SLC38A3: variants seen among roughly 807,000 people sequenced by gnomAD.
The protein encoded by SLC38A3 is sodium-coupled neutral amino acid transporter 3.
Under a neutral mutation model 59.5 loss-of-function variants are expected in SLC38A3, and 17 were observed. The observed-to-expected ratio is 0.29, with a 90% confidence interval of 0.20 to 0.43. SLC38A3 has a LOEUF of 0.43. Among genes scored for constraint, SLC38A3 ranks in the 20% least tolerant of loss-of-function variants. The pLI, the probability that SLC38A3 is intolerant of heterozygous loss-of-function variation, is 1.00. For missense variants in SLC38A3, 454 were observed against 653.9 expected (o/e 0.69, Z 3.33); for synonymous variants, 238 against 260.3 (o/e 0.91, Z 0.82).
At position 50,218,861 on chromosome 3, in the gene SLC38A3, C is replaced by G; in HGVS notation, c.1219C>G (p.His407Asp). ...FPNQEFSWLRHVLIAVGLLTC... is the reference protein window; with the variant it reads ...FPNQEFSWLRDVLIAVGLLTC... ...AAACCAGGAGTTCAGCTGGCTGCGG[C>G]ATGTGCTTATTGCCGTTGGCCTGCT... is the stretch of plus-strand genomic sequence containing the variant. The change falls in exon 14 of 16, where the codon CAT becomes GAT. Residue 407 changes from histidine (H) to aspartate (D), a missense_variant. His to Asp is a moderately conservative substitution (Grantham distance 81, BLOSUM62 -1). Coordinates refer to ENST00000614032, the MANE Select transcript of SLC38A3 (RefSeq NM_006841.6). This position sits in a 1 kb window ranked among gnomAD's most constrained non-coding sequence, Gnocchi z 5.8. The G allele has an allele frequency of 1.2e-6, 2 of 1,613,558 alleles. No individual in the cohort carries two copies. Among genetic ancestry groups the G allele is most frequent in the African/African-American group, 2.7e-5 (2 of 75,044 alleles).
intron 1 of SLC38A3, among the ~76,000 whole-genome samples, chr3:50,206,886 C>T (rs552272249): frequency 3.1e-4 from 47 of 152,362 alleles, no homozygotes; most frequent in African/African-American, 1.1e-3. Context: ...GTTGCCAGAT[C>T]ATGACAACTG....
chr3:50,220,583 G>A lies in SLC38A3; in HGVS notation c.*406G>A, dbSNP rs1699883306. 4.5e-6 allele frequency: 1 copy of A among 224,138 alleles called. No individual in the cohort carries two copies. The highest frequency in any genetic ancestry group is 8.9e-6 in the Non-Finnish European group (1 of 111,846). 13.9% of individuals were successfully genotyped at this position (224,138 alleles called of 1,614,324 possible). ...ACCCTGCTGCTAGGCCACGGTCTGCGCCCTGGGGCCTCATCTCCCCCAGCC... is the reference window on the plus strand; with the variant it reads ...ACCCTGCTGCTAGGCCACGGTCTGCACCCTGGGGCCTCATCTCCCCCAGCC... On this transcript the variant is annotated 3_prime_UTR_variant, in exon 16 of 16. Transcript: ENST00000614032.
chr3:50,206,790 C>T (rs1699653347), intron 1 of SLC38A3, among the ~76,000 whole-genome samples: 1 of 152,200 alleles, frequency 6.6e-6, no homozygotes, highest in African/African-American at 2.4e-5. Context: ...CCCATGTCTT[C>T]GCTGGCTTCT....
rs759167216 is a variant in SLC38A3, at chr3:50,217,521, G to A, written c.690+48G>A. The A allele has an allele frequency of 1.5e-5, 24 of 1,598,938 alleles. No individual in the cohort carries two copies. Among genetic ancestry groups the A allele is most frequent in the Non-Finnish European group, 2.0e-5 (23 of 1,170,944 alleles). On this transcript the variant is annotated intron_variant, in intron 9 of 15. Transcript: ENST00000614032. This position sits in a 1 kb window ranked among gnomAD's most constrained non-coding sequence, Gnocchi z 4.9. ...TGAGAAAGCGGGCAGCGGGTCTCCT[G>A]GGGGAGTTCCCTGTCATCAGGAGGG...
Position 50,219,981 on chromosome 3 carries a change from C to G in SLC38A3, c.1407C>G (p.Ile469Met). The G allele has an allele frequency of 6.2e-7, 1 of 1,611,592 alleles. No individual in the cohort carries two copies. Among genetic ancestry groups the G allele is most frequent in the East Asian group, 2.2e-5 (1 of 44,850 alleles). Residue 469 changes from isoleucine (I) to methionine (M), a missense_variant, in exon 15 of 16, where the codon ATC becomes ATG. Physicochemically the swap from Ile to Met is conservative, Grantham distance 10. Transcript: ENST00000614032. ...AGCCTGCAAGATCCACCCCCAAAATCCTGGTGCGAGGGGCCTGGAGGCCGG... is the reference window on the plus strand; with the variant it reads ...AGCCTGCAAGATCCACCCCCAAAATGCTGGTGCGAGGGGCCTGGAGGCCGG... ...EKEPARSTPK[I>M]LALCFAMLGF...
rs766824971 is a variant in SLC38A3 at position 50,214,425 on chromosome 3, G to T, written c.125G>T (p.Cys42Phe). The T allele has an allele frequency of 3.2e-6, 5 of 1,582,552 alleles. No homozygotes were observed. Among genetic ancestry groups the T allele is most frequent in the Non-Finnish European group, 2.6e-6 (3 of 1,164,414 alleles). The change falls in exon 3 of 16, where the codon TGT becomes TTT. Residue 42 changes from cysteine (C) to phenylalanine (F), a missense_variant. Physicochemically the swap from Cys to Phe is radical, Grantham distance 205. This residue lies in a region of SLC38A3 where 390 missense variants were observed against 557.9 expected (regional missense o/e 0.70). Coordinates refer to ENST00000614032, the MANE Select transcript of SLC38A3 (RefSeq NM_006841.6). This position sits in a 1 kb window ranked among gnomAD's most constrained non-coding sequence, Gnocchi z 6.0. ...NQRVEDPARSCMEGKSFLQKS... is the reference protein window; with the variant it reads ...NQRVEDPARSFMEGKSFLQKS... ...AGGGTCGAGGACCCTGCACGGAGCT[G>T]TATGGAGGGCAAGAGCTTCCTACAG... is the stretch of plus-strand genomic sequence containing the variant.
chr3:50,209,869 G>A (rs765841213), intron 1 of SLC38A3, among the ~76,000 whole-genome samples: 10 of 152,076 alleles, frequency 6.6e-5, no homozygotes, highest in Non-Finnish European at 1.3e-4. Flanking sequence ...ATATGCCCCC[G>A]CCTGCATGTC....
At position 50,214,071 on chromosome 3, in the gene SLC38A3, T is replaced by C; in HGVS notation, c.-51-78T>C. 2.6e-6 allele frequency: 2 copies of C among 771,288 alleles called. No individual in the cohort carries two copies. Among genetic ancestry groups the C allele is most frequent in the Non-Finnish European group, 4.3e-6 (2 of 463,018 alleles). 47.8% of individuals were successfully genotyped at this position (771,288 alleles called of 1,614,324 possible). On this transcript the variant is annotated intron_variant, in intron 1 of 15. Transcript: ENST00000614032. This position sits in a 1 kb window ranked among gnomAD's most constrained non-coding sequence, Gnocchi z 6.0. ...GAGTGACCATCTGGGAGGTGTGCTATGGCTGCAGGCCTCAGGTAGGAGGCT... is the reference window on the plus strand; with the variant it reads ...GAGTGACCATCTGGGAGGTGTGCTACGGCTGCAGGCCTCAGGTAGGAGGCT...
In SLC38A3 at chr3:50,215,168, C is replaced by G; in HGVS notation, c.300-218C>G. ...AGGGCAGTCACAGGGACACTCTTGA[C>G]CCAGAGGGCCCCTTCTGGGGTGTGT... On this transcript the variant is annotated intron_variant, in intron 4 of 15. Transcript: ENST00000614032. The surrounding 1 kb of genome is among the most constrained non-coding windows in gnomAD (Gnocchi z 7.1). 1 of 590,594 alleles carries G rather than the reference C, an allele frequency of 1.7e-6. No homozygotes were observed. Among genetic ancestry groups the G allele is most frequent in the Non-Finnish European group, 3.0e-6 (1 of 331,090 alleles). 36.6% of individuals were successfully genotyped at this position (590,594 alleles called of 1,614,324 possible). A position where few individuals can be genotyped will look rare whatever the true frequency, so the allele number is the denominator to read the frequency against.
At position 50,218,006 on chromosome 3, in the gene SLC38A3, T is replaced by G. The variant is rs1699844494; in HGVS notation, c.935+10T>G. On this transcript the variant is annotated intron_variant, in intron 11 of 15. Coordinates refer to ENST00000614032, the MANE Select transcript of SLC38A3 (RefSeq NM_006841.6). The surrounding 1 kb of genome is among the most constrained non-coding windows in gnomAD (Gnocchi z 5.8). The stretch of plus-strand genomic sequence containing the variant: ...ATACTGAGCTCAAGGAGTAGGTGTC[T>G]GTGGCTGGGAGTGGGGGTGGGGATG... The G allele has an allele frequency of 1.2e-6, 2 of 1,613,630 alleles. No individual in the cohort carries two copies. The highest frequency in any genetic ancestry group is 1.3e-5 in the African/African-American group (1 of 75,040).
At chr3:50,212,615 C>G (rs932482930) in intron 1 of SLC38A3, among the ~76,000 whole-genome samples, 1 of 152,146 alleles carries the variant, frequency 6.6e-6, no homozygotes, top group African/African-American at 2.4e-5. Context: ...TCTCCAGGAT[C>G]CAGGTGCCAG....
At position 50,215,718 on chromosome 3, in the gene SLC38A3, C is replaced by G. The variant is rs587772600; in HGVS notation, c.467-22C>G. ...TGGTTGGGCTGACCTCAGCGCCTGC[C>G]TGCCCGCCCCTCTCCCCACAGCCAT... is the stretch of plus-strand genomic sequence containing the variant. On this transcript the variant is annotated intron_variant, in intron 6 of 15. Coordinates refer to ENST00000614032, the MANE Select transcript of SLC38A3 (RefSeq NM_006841.6). This position sits in a 1 kb window ranked among gnomAD's most constrained non-coding sequence, Gnocchi z 7.1. The G allele has an allele frequency of 6.2e-7, 1 of 1,603,524 alleles. No homozygotes were observed. The highest frequency in any genetic ancestry group is 1.3e-5 in the African/African-American group (1 of 74,780).
chr3:50,208,510 G>A (rs759710640), intron 1 of SLC38A3, among the ~76,000 whole-genome samples: 6 of 152,078 alleles, frequency 3.9e-5, no homozygotes, highest in South Asian at 2.1e-4. Context: ...TGATCTGCCC[G>A]CCTCGGCCTC....
chr3:50,218,051 G>A lies in SLC38A3; in HGVS notation c.935+55G>A. 1 of 1,538,660 alleles carries A rather than the reference G, an allele frequency of 6.5e-7. No individual in the cohort carries two copies. ...GGGATGCCCTGAGCTGGTTTGGGGA[G>A]AATGGATGTGGTCCTGAATGTGGAG... On this transcript the variant is annotated intron_variant, in intron 11 of 15. Transcript: ENST00000614032. The surrounding 1 kb of genome is among the most constrained non-coding windows in gnomAD (Gnocchi z 5.8).
chr3:50,214,910 A>G lies in SLC38A3; in HGVS notation c.299+142A>G, dbSNP rs1193520925. On this transcript the variant is annotated intron_variant, in intron 4 of 15. Coordinates refer to ENST00000614032, the MANE Select transcript of SLC38A3 (RefSeq NM_006841.6). This position sits in a 1 kb window ranked among gnomAD's most constrained non-coding sequence, Gnocchi z 6.0. ...TCTTACACTAACAAACCGCGGCTGAAAAAAACATCCACAGCCAAACAAATA... is the reference window on the plus strand; with the variant it reads ...TCTTACACTAACAAACCGCGGCTGAGAAAAACATCCACAGCCAAACAAATA... 8 of 664,868 alleles carry G rather than the reference A, an allele frequency of 1.2e-5. No individual in the cohort carries two copies. Among genetic ancestry groups the G allele is most frequent in the African/African-American group, 7.3e-5 (4 of 54,576 alleles). 41.2% of individuals were successfully genotyped at this position (664,868 alleles called of 1,614,324 possible).
Position 50,218,525 on chromosome 3 carries a change from C to T in SLC38A3, c.1037-68C>T. 1 of 1,592,692 alleles carries T rather than the reference C, an allele frequency of 6.3e-7. No individual in the cohort carries two copies. The highest frequency in any genetic ancestry group is 1.3e-5 in the African/African-American group (1 of 74,716). ...TGCCAATCCCCACAGTGTTGGGGTC[C>T]CCTAGGCAGCTCAGATCCCACCTCC... On this transcript the variant is annotated intron_variant, in intron 12 of 15. Coordinates refer to ENST00000614032, the MANE Select transcript of SLC38A3 (RefSeq NM_006841.6). This position sits in a 1 kb window ranked among gnomAD's most constrained non-coding sequence, Gnocchi z 5.8.
chr3:50,215,327 G>A lies in SLC38A3; in HGVS notation c.300-59G>A. 1 of 1,530,632 alleles carries A rather than the reference G, an allele frequency of 6.5e-7. No homozygotes were observed. Among genetic ancestry groups the A allele is most frequent in the Non-Finnish European group, 9.1e-7 (1 of 1,104,834 alleles). 94.8% of individuals were successfully genotyped at this position (1,530,632 alleles called of 1,614,324 possible). A position where few individuals can be genotyped will look rare whatever the true frequency, so the allele number is the denominator to read the frequency against. On this transcript the variant is annotated intron_variant, in intron 4 of 15. Coordinates refer to ENST00000614032, the MANE Select transcript of SLC38A3 (RefSeq NM_006841.6). This position sits in a 1 kb window ranked among gnomAD's most constrained non-coding sequence, Gnocchi z 7.1. ...GGCCTCCCAGAGCCCCTCACCCTCTGCCAGCCACGGTAGCCCCCCAGTGGC... is the reference window on the plus strand; with the variant it reads ...GGCCTCCCAGAGCCCCTCACCCTCTACCAGCCACGGTAGCCCCCCAGTGGC...
chr3:50,218,572 C>T lies in SLC38A3; in HGVS notation c.1037-21C>T, dbSNP rs1270784839. 5.0e-6 allele frequency: 8 copies of T among 1,608,724 alleles called. No individual in the cohort carries two copies. The highest frequency in any genetic ancestry group is 6.8e-6 in the Non-Finnish European group (8 of 1,177,476). On this transcript the variant is annotated intron_variant, in intron 12 of 15. Transcript: ENST00000614032. The surrounding 1 kb of genome is among the most constrained non-coding windows in gnomAD (Gnocchi z 5.8). ...CTCCTTCCTGGGGCCACCTACTGACCACCCTCCCTGCCTGCCACAGACGGG... is the reference window on the plus strand; with the variant it reads ...CTCCTTCCTGGGGCCACCTACTGACTACCCTCCCTGCCTGCCACAGACGGG...
chr3:50,210,491 C>G (rs1174335685), intron 1 of SLC38A3, among the ~76,000 whole-genome samples: 2 of 152,206 alleles, frequency 1.3e-5, no homozygotes, highest in African/African-American at 4.8e-5. Context: ...CTACTGCCGA[C>G]CCAGACCCAC....
Sources: gnomAD v4.1 joint callset for allele counts (sites outside exome capture counted in the v4.1 genomes callset) on GRCh38, gnomAD v4.1.1 for gene constraint, gnomAD v4.1.1 regional missense constraint, Gnocchi (gnomAD v3.1) non-coding constraint, MANE v1.5 for transcripts, NCBI Gene and HGNC (gene_info 2026-07-23, HGNC 2026-07-21) for gene names.